MCTP1: variants seen among roughly 807,000 people sequenced by gnomAD.
MCTP1 encodes the protein multiple C2 and transmembrane domain-containing protein 1.
MCTP1 carries 69 observed loss-of-function variants against 120.6 expected under a neutral mutation model. That is an observed-to-expected ratio of 0.57 (90% confidence interval 0.47 to 0.70). The LOEUF (loss-of-function observed/expected upper bound fraction) is 0.70. Ranked by LOEUF, MCTP1 falls within the 30% of genes least tolerant of loss-of-function variation. The pLI is 0.00. For synonymous variants in MCTP1, 529 were observed against 493.1 expected, an observed-to-expected ratio of 1.07 and a Z score of -0.96; for missense variants, 1,203 against 1,248.8, an observed-to-expected ratio of 0.96 and a Z score of 0.55.
intron 1 of MCTP1, 33 bp from the exon 2 acceptor site, chr5:95,017,517 T>G (rs866488296): frequency 2.1e-6 from 3 of 1,420,818 alleles, no homozygotes; most frequent in African/African-American, 2.9e-5. Context: ...AATATTAAAT[T>G]TATTATCTCT....
rs574555856 is a variant in MCTP1, at chr5:94,992,828, G to A, written c.838+24539C>T. ...TTTATCTGCCTTAGCACTGCTTTCC[G>A]GAATTGTCTCTCAAAGAAAGACAAA... On this transcript the variant is annotated intron_variant, in intron 2 of 22. Coordinates refer to ENST00000515393, the MANE Select transcript of MCTP1 (RefSeq NM_024717.7). 4.6e-5 allele frequency among the ~76,000 whole-genome samples: 7 copies of A among 152,156 alleles called. No individual in the cohort carries two copies. The South Asian group carries it at 1.5e-3, about 32-fold the overall frequency.
chr5:95,155,784 T>C (rs924830775), intron 1 of MCTP1, among the ~76,000 whole-genome samples: 3 of 152,176 alleles, frequency 2.0e-5, no homozygotes, highest in Non-Finnish European at 4.4e-5. Flanking sequence ...GTTCACACCC[T>C]ATATATCCCC....
chr5:94,800,270 T>A (rs1197881877), intron 17 of MCTP1, among the ~76,000 whole-genome samples: 1 of 152,184 alleles, frequency 6.6e-6, no homozygotes, highest in Non-Finnish European at 1.5e-5. Context: ...GGTCCTCAAG[T>A]AATACAGATT....
intron 18 of MCTP1, among the ~76,000 whole-genome samples, chr5:94,782,717 A>G (rs1338920129): frequency 6.6e-6 from 1 of 151,554 alleles, no homozygotes; most frequent in African/African-American, 2.4e-5. Context: ...ATAAAACCAA[A>G]TAAGCACTAC....
At chr5:95,130,755 T>C (rs1183010615) in intron 1 of MCTP1, among the ~76,000 whole-genome samples, 1 of 152,176 alleles carries the variant, frequency 6.6e-6, no homozygotes, top group Non-Finnish European at 1.5e-5. Context: ...GATTATCACC[T>C]ACCCTAATGA....
At chr5:94,740,564 G>A (rs1765289718) in intron 19 of MCTP1, among the ~76,000 whole-genome samples, 1 of 152,120 alleles carries the variant, frequency 6.6e-6, no homozygotes, top group African/African-American at 2.4e-5. Flanking sequence ...GGTTGTAAGT[G>A]GCAGAAATTC....
chr5:95,193,156 A>G (rs910348038), intron 1 of MCTP1, among the ~76,000 whole-genome samples: 5 of 152,174 alleles, frequency 3.3e-5, no homozygotes, highest in African/African-American at 1.2e-4. Context: ...TTTAATAAAC[A>G]TCTAAAGAGA....
chr5:94,707,726 A>G (rs1755059403), intron 22 of MCTP1, among the ~76,000 whole-genome samples, 159 bp from the exon 23 acceptor site: 1 of 152,010 alleles, frequency 6.6e-6, no homozygotes, highest in African/African-American at 2.4e-5. Flanking sequence ...ATAGAATGAC[A>G]GAGCAAGAAT....
At chr5:94,942,455 T>C (rs1365129401) in intron 3 of MCTP1, 28 bp from the exon 4 acceptor site, 1 of 1,500,264 alleles carries the variant, frequency 6.7e-7, no homozygotes, top group East Asian at 2.3e-5. Flanking sequence ...AAAAGCCTTG[T>C]TATAAATATC....
intron 2 of MCTP1, among the ~76,000 whole-genome samples, chr5:95,014,054 A>G (rs1836580381): frequency 6.6e-6 from 1 of 151,986 alleles, no homozygotes; most frequent in African/African-American, 2.4e-5. Context: ...TGAAACCAGG[A>G]GTTCAAGACC....
intron 2 of MCTP1, among the ~76,000 whole-genome samples, chr5:94,973,672 C>A (rs1581648371): frequency 6.6e-6 from 1 of 152,158 alleles, no homozygotes; most frequent in African/African-American, 2.4e-5. Flanking sequence ...TATTCAGAAG[C>A]CTAAAACTGG....
intron 1 of MCTP1, among the ~76,000 whole-genome samples, chr5:95,178,339 A>G (rs951719247): frequency 2.1e-4 from 32 of 152,206 alleles, no homozygotes; most frequent in African/African-American, 7.7e-4. Flanking sequence ...TCCTGCTTAT[A>G]CAGCTGCAGC....
chr5:95,156,031 G>C (rs1484578550), intron 1 of MCTP1, among the ~76,000 whole-genome samples: 2 of 152,198 alleles, frequency 1.3e-5, no homozygotes, highest in East Asian at 3.9e-4. Context: ...CTGGCCAACA[G>C]TCAGCAAGAA....
chr5:94,726,758 A>G (rs552923147), intron 19 of MCTP1, among the ~76,000 whole-genome samples: 1 of 152,236 alleles, frequency 6.6e-6, no homozygotes, highest in African/African-American at 2.4e-5. Flanking sequence ...TTACTAGTTA[A>G]AAAGAGTTCC....
In MCTP1 at chr5:95,050,288, T is replaced by A. The variant is rs140441156; in HGVS notation, c.721-32804A>T. Among the ~76,000 whole-genome samples, 771 of 152,330 alleles carry A rather than the reference T, an allele frequency of 5.1e-3. 3 individuals are homozygous for A. The highest frequency in any genetic ancestry group is 0.018 in the African/African-American group (729 of 41,576). On this transcript the variant is annotated intron_variant, in intron 1 of 22. Coordinates refer to ENST00000515393, the MANE Select transcript of MCTP1 (RefSeq NM_024717.7). ...AAATACAATTCCATAAATAAAACGTTTTTGTGTAAGCATTTCCTGATAATA... is the reference window on the plus strand; with the variant it reads ...AAATACAATTCCATAAATAAAACGTATTTGTGTAAGCATTTCCTGATAATA...
chr5:95,205,219 TG>T (rs1341218119), intron 1 of MCTP1, among the ~76,000 whole-genome samples: 1 of 152,044 alleles, frequency 6.6e-6, no homozygotes, highest in East Asian at 1.9e-4. Context: ...TTGACAAAGG[TG>T]CCAAGAAAAT....
chr5:95,113,460 C>G (rs1562153274), intron 1 of MCTP1, among the ~76,000 whole-genome samples: 1 of 152,058 alleles, frequency 6.6e-6, no homozygotes. Context: ...GAGAGAGAAT[C>G]TGTGCACTTG....
chr5:94,966,858 G>C (rs1287563781), intron 2 of MCTP1, among the ~76,000 whole-genome samples: 1 of 151,634 alleles, frequency 6.6e-6, no homozygotes, highest in Admixed American at 6.6e-5. Context: ...AAATCTGAGG[G>C]CTAGTTCAGC....
chr5:95,039,596 G>A (rs984564480), intron 1 of MCTP1, among the ~76,000 whole-genome samples: 6 of 152,148 alleles, frequency 3.9e-5, no homozygotes, highest in African/African-American at 1.4e-4. Context: ...ACCACAGGAT[G>A]AGAATTTTAT....
Sources: gnomAD v4.1 joint callset for allele counts (sites outside exome capture counted in the v4.1 genomes callset) on GRCh38, gnomAD v4.1.1 for gene constraint, MANE v1.5 for transcripts, NCBI Gene and HGNC (gene_info 2026-07-23, HGNC 2026-07-21) for gene names.